GABRB3: variants seen among roughly 807,000 people sequenced by gnomAD.
The protein encoded by GABRB3 is gamma-aminobutyric acid receptor subunit beta-3.
A neutral mutation model predicts 52.1 loss-of-function variants in GABRB3; 14 were observed. That is an observed-to-expected ratio of 0.27 (90% CI 0.18 to 0.42). GABRB3 has a LOEUF of 0.42. Ranked by LOEUF, GABRB3 falls within the 10% of genes least tolerant of loss-of-function variation. The probability of loss-of-function intolerance (pLI) is 1.00; values close to 1 mark genes in which losing one functional copy is unlikely to be tolerated. For synonymous variants in GABRB3, 260 were observed against 232.3 expected (o/e 1.12, Z -1.08); for missense variants, 307 against 609.1 (o/e 0.50, Z 5.22).
intron 4 of GABRB3, among the ~76,000 whole-genome samples, chr15:26,600,429 T>C (rs1891547526): frequency 6.6e-6 from 1 of 151,998 alleles, no homozygotes; most frequent in Non-Finnish European, 1.5e-5. Flanking sequence ...CTAAGACATA[T>C]AATAATCAAA....
chr15:26,586,704 AAG>A (rs1555368942), intron 4 of GABRB3, among the ~76,000 whole-genome samples: 39 of 102,300 alleles, frequency 3.8e-4, no homozygotes, highest in African/African-American at 1.2e-3. Context: ...AAAAAAAAAA[AAG>A]AGAGAGAGAG....
chr15:26,557,733 T>C (rs1889808584), intron 8 of GABRB3: 1 of 152,310 alleles, frequency 6.6e-6, no homozygotes, highest in Middle Eastern at 3.4e-3. Context: ...CATGTAAACA[T>C]ATAAAGGCCT....
intron 3 of GABRB3, among the ~76,000 whole-genome samples, chr15:26,660,559 G>A (rs1306524703): frequency 6.6e-6 from 1 of 152,138 alleles, no homozygotes. Context: ...CAAATCTGGC[G>A]AAAGTCCAGG....
intron 3 of GABRB3, among the ~76,000 whole-genome samples, chr15:26,697,896 CAA>C (rs751778659): frequency 3.3e-5 from 5 of 152,168 alleles, no homozygotes; most frequent in Non-Finnish European, 5.9e-5. Context: ...GGGCTCTTAT[CAA>C]AAGAGATGCC....
At chr15:26,702,588 ACACT>A (rs1209818620) in intron 3 of GABRB3, among the ~76,000 whole-genome samples, 3 of 152,226 alleles carry the variant, frequency 2.0e-5, no homozygotes, top group Admixed American at 2.0e-4. Flanking sequence ...AGAACCTGAA[ACACT>A]CACCCACTGC....
intron 8 of GABRB3, among the ~76,000 whole-genome samples, chr15:26,553,859 G>C (rs956821004): frequency 6.6e-6 from 1 of 150,954 alleles, no homozygotes; most frequent in Non-Finnish European, 1.5e-5. Flanking sequence ...ACTGCATGTT[G>C]CCTTTTAAAC....
At chr15:26,597,288 T>TA (rs1891427056) in intron 4 of GABRB3, among the ~76,000 whole-genome samples, 1 of 152,174 alleles carries the variant, frequency 6.6e-6, no homozygotes, top group African/African-American at 2.4e-5. Context: ...GGCTCATGTT[T>TA]CTTAGAAACT....
intron 3 of GABRB3, among the ~76,000 whole-genome samples, chr15:26,699,965 C>A (rs2140679026): frequency 6.6e-6 from 1 of 150,858 alleles, no homozygotes; most frequent in South Asian, 2.1e-4. Context: ...ATATTAAACC[C>A]AAAGTTAGTA....
intron 3 of GABRB3, among the ~76,000 whole-genome samples, chr15:26,700,644 G>A (rs1391308566): frequency 1.3e-5 from 2 of 152,170 alleles, no homozygotes; most frequent in African/African-American, 4.8e-5. Flanking sequence ...ACAATTCAAG[G>A]AAAGTTTAAC....
In GABRB3 at chr15:26,545,194, TTGTGTG is replaced by T. The variant is rs10569776; in HGVS notation, c.*2593_*2598del. On this transcript the variant is annotated 3_prime_UTR_variant, in exon 9 of 9. Coordinates refer to ENST00000311550, the MANE Select transcript of GABRB3 (RefSeq NM_000814.6). ...GTTTTTACAGAATATATGTATGTAT[TTGTGTG>T]TGTGTGTGTGTGTGTGTGTGTAGTT... 1,110 of 149,836 alleles carry T rather than the reference TTGTGTG, an allele frequency of 7.4e-3. 12 individuals are homozygous for T. Among genetic ancestry groups the T allele is most frequent in the Non-Finnish European group, 0.012 (779 of 67,064 alleles). The allele number at this position is 149,836 out of a possible 1,614,324, so 9.3% of individuals were successfully genotyped here.
chr15:26,641,747 C>G (rs1893207631), intron 3 of GABRB3, among the ~76,000 whole-genome samples: 1 of 152,146 alleles, frequency 6.6e-6, no homozygotes. Flanking sequence ...GGACAGCTGA[C>G]AGCAAGACCC....
At chr15:26,746,784 G>A (rs578050824) in intron 3 of GABRB3, among the ~76,000 whole-genome samples, 25 of 152,104 alleles carry the variant, frequency 1.6e-4, no homozygotes, top group African/African-American at 5.3e-4. Flanking sequence ...TCAGGAGATC[G>A]AGACCATCCT....
intron 3 of GABRB3, among the ~76,000 whole-genome samples, chr15:26,715,198 C>CA (rs1419658734): frequency 6.6e-6 from 1 of 152,160 alleles, no homozygotes; most frequent in Admixed American, 6.5e-5. Context: ...CTAACCATCC[C>CA]AGCCTTGGAA....
intron 3 of GABRB3, among the ~76,000 whole-genome samples, chr15:26,764,180 ATATATATATATATATAT>A (rs1369694029): frequency 6.7e-4 from 3 of 4,450 alleles, no homozygotes; most frequent in African/African-American, 1.1e-3. Flanking sequence ...AAAAAAAAAA[ATATATATATATATATAT>A]ATATATATAT....
At chr15:26,638,527 G>A (rs1438256286) in intron 3 of GABRB3, among the ~76,000 whole-genome samples, 2 of 152,158 alleles carry the variant, frequency 1.3e-5, no homozygotes, top group Non-Finnish European at 2.9e-5. Context: ...GCTGAAGGCC[G>A]GAGACCCCTC....
chr15:26,725,133 G>A (rs1303428302), intron 3 of GABRB3, among the ~76,000 whole-genome samples: 1 of 152,098 alleles, frequency 6.6e-6, no homozygotes, highest in Non-Finnish European at 1.5e-5. Flanking sequence ...CATGCTACAG[G>A]TATCTGTAGA....
chr15:26,571,891 T>C lies in GABRB3; in HGVS notation c.683-4158A>G, dbSNP rs540298252. Among the ~76,000 whole-genome samples, 5 of 151,610 alleles carry C rather than the reference T, an allele frequency of 3.3e-5. No individual in the cohort carries two copies. In the South Asian group the frequency reaches 1.0e-3, roughly 32 times the overall value. On this transcript the variant is annotated intron_variant, in intron 6 of 8. Coordinates refer to ENST00000311550, the MANE Select transcript of GABRB3 (RefSeq NM_000814.6). ...GGTGAAACCCCATCTCTACTAAAAA[T>C]ACAAAAATTAGCCAGGCGTGGTGGC... is the stretch of plus-strand genomic sequence containing the variant.
intron 6 of GABRB3, among the ~76,000 whole-genome samples, chr15:26,568,693 G>C (rs1269475421): frequency 1.2e-5 from 1 of 86,732 alleles, no homozygotes. Context: ...GGTTTTGTAT[G>C]TTTAGTAGAG....
intron 7 of GABRB3, 123 bp from the exon 8 acceptor site, chr15:26,561,299 G>A: frequency 7.3e-7 from 1 of 1,360,776 alleles, no homozygotes; most frequent in Non-Finnish European, 1.0e-6. Flanking sequence ...GAATACTGTG[G>A]GGTGACTGGA....
Sources: allele counts gnomAD v4.1 joint callset (sites outside exome capture counted in the v4.1 genomes callset), GRCh38; gene constraint gnomAD v4.1.1; transcripts MANE v1.5; gene names NCBI Gene and HGNC (gene_info 2026-07-23, HGNC 2026-07-21).